Variants in WDR4 observed in about 807,000 individuals in gnomAD.
WDR4 encodes WDR4 tRNA N7-guanosine methyltransferase non-catalytic subunit, also known as tRNA (guanine-N(7)-)-methyltransferase non-catalytic subunit WDR4.
WDR4 carries 47 observed loss-of-function variants against 48.6 expected under a neutral mutation model. The observed-to-expected ratio is 0.97, with a 90% CI of 0.77 to 1.23. The LOEUF (loss-of-function observed/expected upper bound fraction) is 1.23, where lower values mean the gene tolerates loss of function less well. Among genes scored for constraint, WDR4 ranks in the 50% most tolerant of loss-of-function variants. The pLI, the probability that WDR4 is intolerant of heterozygous loss-of-function variation, is 0.00. For synonymous variants in WDR4, 268 were observed against 230.0 expected (o/e 1.17, Z -1.49); for missense variants, 606 against 551.6 (o/e 1.10, Z -0.99).
At chr21:42,863,346 A>C in intron 4 of WDR4, 94 bp downstream of exon 4, 2 of 1,435,142 alleles carry the variant, frequency 1.4e-6, no homozygotes, top group Non-Finnish European at 1.9e-6. Flanking sequence ...TTGACAGGGT[A>C]GACATTGACT....
At chr21:42,873,433 C>T (rs541470286) in intron 3 of WDR4, 118 bp downstream of exon 3, 54 of 1,415,406 alleles carry the variant, frequency 3.8e-5, no homozygotes, top group African/African-American at 1.3e-4. Context: ...CACTGAACTG[C>T]GGCTCCGTGT....
Position 42,854,579 on chromosome 21 carries a change from C to G in WDR4, c.774G>C (p.Val258=), listed in dbSNP as rs1209853103. ...RIAFWCQENC[V]ALLCDGTPVV... The stretch of plus-strand genomic sequence containing the variant: ...CAGCTTACCCGTCGCACAGGAGCGC[C>G]ACGCAGTTCTCCTGGCACCAGAATG... Residue 258 remains valine, a synonymous_variant, in exon 8 of 11, where the codon GTG becomes GTC. Coordinates refer to ENST00000398208, the MANE Select transcript of WDR4 (RefSeq NM_018669.6). 1 of 1,613,784 alleles carries G rather than the reference C, an allele frequency of 6.2e-7. No individual in the cohort carries two copies. Among genetic ancestry groups the G allele is most frequent in the Non-Finnish European group, 8.5e-7 (1 of 1,179,926 alleles).
At position 42,850,129 on chromosome 21, in the gene WDR4, G is replaced by T. The variant is rs201013104; in HGVS notation, c.1159C>A (p.Gln387Lys). 1.7e-5 allele frequency: 28 copies of T among 1,613,942 alleles called. No individual in the cohort carries two copies. Among genetic ancestry groups the T allele is most frequent in the Non-Finnish European group, 2.4e-5 (28 of 1,179,986 alleles). Residue 387 changes from glutamine to lysine, a missense_variant, in exon 11 of 11, where the codon CAG becomes AAG. Transcript: ENST00000398208. ...ERLQQQLEKK[Q>K]RRRSPPPGPD... ...CCAGGCGGGGGACTCCGGCGCCGCT[G>T]CTTCTTCTCTAGCTGCTGCTGCAGT...
At chr21:42,863,018 G>A (rs939743801) in intron 4 of WDR4, among the ~76,000 whole-genome samples, 8 of 152,148 alleles carry the variant, frequency 5.3e-5, no homozygotes, top group African/African-American at 1.7e-4. Context: ...CACAGCTCCC[G>A]GCCAAGGAGG....
At chr21:42,880,665 C>T (rs77526836), upstream of WDR4, among the ~76,000 whole-genome samples, 2,902 of 152,300 alleles carry the variant, frequency 0.019, 103 homozygotes, top group African/African-American at 0.066. Flanking sequence ...TATCTCAGCA[C>T]AGCTCTTGCC....
Position 42,862,262 on chromosome 21 carries a change from G to A in WDR4, c.566+20C>T, listed in dbSNP as rs1251933576. 2.5e-6 allele frequency: 4 copies of A among 1,579,872 alleles called. No homozygotes were observed. The highest frequency in any genetic ancestry group is 3.4e-4 in the Middle Eastern group (2 of 5,914). ...CAAACAGACCTTCTTTCTGCTGGAG[G>A]GGCAGGAAGGGGCACTCACTCTGTG... On this transcript the variant is annotated intron_variant, in intron 5 of 10. Coordinates refer to ENST00000398208, the MANE Select transcript of WDR4 (RefSeq NM_018669.6). The surrounding 1 kb of genome is among the most constrained non-coding windows in gnomAD (Gnocchi z 4.3).
downstream of WDR4, among the ~76,000 whole-genome samples, chr21:42,844,508 G>A (rs1029400442): frequency 6.6e-6 from 1 of 152,208 alleles, no homozygotes; most frequent in Non-Finnish European, 1.5e-5. Context: ...GGCCTCGGGA[G>A]AACCTCCACC....
At chr21:42,865,543 CCCCAGCCGGAGGCT>C (rs2058228078) in intron 3 of WDR4, among the ~76,000 whole-genome samples, 1 of 152,284 alleles carries the variant, frequency 6.6e-6, no homozygotes, top group East Asian at 1.9e-4. Context: ...CTTTGTCCTG[CCCCAGCCGGAGGCT>C]CCCAGCCTCT....
At chr21:42,879,896 G>C (rs2058593375), upstream of WDR4, 4 of 398,796 alleles carry the variant, frequency 1.0e-5, no homozygotes, top group Non-Finnish European at 1.3e-5. Flanking sequence ...TGAATGAACC[G>C]GGGGCCGTGG....
chr21:42,870,211 C>T (rs1417935577), intron 3 of WDR4, among the ~76,000 whole-genome samples: 1 of 151,858 alleles, frequency 6.6e-6, no homozygotes, highest in Non-Finnish European at 1.5e-5. Context: ...ATTAACTGGG[C>T]ATGGTGGTAA....
intron 2 of WDR4, 40 bp downstream of exon 2, chr21:42,876,662 C>A: frequency 6.3e-7 from 1 of 1,588,200 alleles, no homozygotes; most frequent in Non-Finnish European, 8.6e-7. Flanking sequence ...CATTATCGAA[C>A]CATTAAAGCA....
At chr21:42,844,927 G>A (rs948687738), downstream of WDR4, among the ~76,000 whole-genome samples, 3 of 152,198 alleles carry the variant, frequency 2.0e-5, no homozygotes, top group Admixed American at 1.3e-4. Context: ...AGGAGGGCAG[G>A]CCCCTCCCTC....
At chr21:42,878,841 GT>G (rs2058561106) in intron 1 of WDR4, among the ~76,000 whole-genome samples, 1 of 152,202 alleles carries the variant, frequency 6.6e-6, no homozygotes, top group Admixed American at 6.5e-5. Context: ...CTTGGGTTGG[GT>G]AAGTGTCGGA....
chr21:42,848,525 A>G (rs751323542), downstream of WDR4, among the ~76,000 whole-genome samples: 10 of 31,728 alleles, frequency 3.2e-4, no homozygotes, highest in African/African-American at 6.8e-4. Context: ...CTCACACAGC[A>G]CACGATCACG....
At chr21:42,868,222 C>T (rs1185498103) in intron 3 of WDR4, among the ~76,000 whole-genome samples, 4 of 152,212 alleles carry the variant, frequency 2.6e-5, no homozygotes, top group African/African-American at 7.2e-5. Flanking sequence ...GCGCTTCCAT[C>T]AGGGTGAAGA....
At chr21:42,871,629 T>C (rs548088178) in intron 3 of WDR4, among the ~76,000 whole-genome samples, 107 of 152,338 alleles carry the variant, frequency 7.0e-4, no homozygotes, top group South Asian at 1.7e-3. Flanking sequence ...CCATTTATTA[T>C]CAGTTATAAC....
Position 42,862,927 on chromosome 21 carries a change from T to A in WDR4, c.453+513A>T, listed in dbSNP as rs115390031. 4.8e-3 allele frequency among the ~76,000 whole-genome samples: 735 copies of A among 152,276 alleles called. 6 individuals carry two copies. The highest frequency in any genetic ancestry group is 0.017 in the African/African-American group (690 of 41,544). ...CGCCCTCTGGGGCTCCAGGTGTGTG[T>A]CTGTGACACACGGGGCACACAGAGT... On this transcript the variant is annotated intron_variant, in intron 4 of 10. Transcript: ENST00000398208. The surrounding 1 kb of genome is among the most constrained non-coding windows in gnomAD (Gnocchi z 4.3).
intron 3 of WDR4, among the ~76,000 whole-genome samples, chr21:42,873,161 T>C (rs2058410286): frequency 1.3e-5 from 2 of 152,052 alleles, no homozygotes; most frequent in African/African-American, 4.8e-5. Flanking sequence ...CCCAAATCCC[T>C]ATCACTCTCC....
rs569113829 is a variant in WDR4 at position 42,875,614 on chromosome 21, G to A, written c.155+1088C>T. On this transcript the variant is annotated intron_variant, in intron 2 of 10. Transcript: ENST00000398208. ...TCCCAGGTACTTAGGGGGATGAGGC[G>A]GGAGATCACCTGAACCCAGGAGGTC... Among the ~76,000 whole-genome samples the A allele has an allele frequency of 7.9e-5, 12 of 152,214 alleles. No homozygotes were observed. In the South Asian group the frequency reaches 1.5e-3, roughly 18 times the overall value.
Sources: allele counts gnomAD v4.1 joint callset (sites outside exome capture counted in the v4.1 genomes callset), GRCh38; gene constraint gnomAD v4.1.1; non-coding constraint Gnocchi (gnomAD v3.1); transcripts MANE v1.5; gene names NCBI Gene and HGNC (gene_info 2026-07-23, HGNC 2026-07-21).